TBC1D13: variants seen among roughly 807,000 people sequenced by gnomAD.
The protein encoded by TBC1D13 is TBC1 domain family member 13, also known as epididymis secretory sperm binding protein.
TBC1D13 carries 40 observed loss-of-function variants against 53.6 expected under a neutral mutation model. That is an observed-to-expected ratio of 0.75 (90% CI 0.58 to 0.97). The LOEUF (loss-of-function observed/expected upper bound fraction) is 0.97, where lower values mean the gene tolerates loss of function less well. TBC1D13 is among the 50% of genes least tolerant of loss of function. TBC1D13 has a pLI of 0.00. For missense variants in TBC1D13, 377 were observed against 499.4 expected, an observed-to-expected ratio of 0.75 and a Z score of 2.34; for synonymous variants, 182 against 197.7, an observed-to-expected ratio of 0.92 and a Z score of 0.67.
At chr9:128,789,431 G>A (rs1277326751) in intron 2 of TBC1D13, among the ~76,000 whole-genome samples, 12 of 151,548 alleles carry the variant, frequency 7.9e-5, no homozygotes, top group Admixed American at 1.3e-4. Flanking sequence ...AGCAGCAACT[G>A]CGGTAGTGAG....
chr9:128,803,215 G>A, intron 7 of TBC1D13, 35 bp from the exon 8 acceptor site: 1 of 1,596,572 alleles, frequency 6.3e-7, no homozygotes, highest in African/African-American at 1.3e-5. Flanking sequence ...CCCCAGCATT[G>A]TCTTTCTTGA....
At chr9:128,797,839 G>C (rs1364035431) in intron 7 of TBC1D13, among the ~76,000 whole-genome samples, 1 of 152,162 alleles carries the variant, frequency 6.6e-6, no homozygotes, top group African/African-American at 2.4e-5. Context: ...CAGGCACAAT[G>C]GCCCATGCCT....
At chr9:128,802,171 T>C (rs1472038546) in intron 7 of TBC1D13, among the ~76,000 whole-genome samples, 1 of 148,872 alleles carries the variant, frequency 6.7e-6, no homozygotes, top group East Asian at 1.9e-4. Flanking sequence ...TTCTCCTGCC[T>C]CAGCCTCCTG....
intron 7 of TBC1D13, among the ~76,000 whole-genome samples, chr9:128,797,968 C>T (rs896389940): frequency 5.3e-5 from 8 of 151,878 alleles, no homozygotes; most frequent in African/African-American, 1.9e-4. Context: ...AAAATTTGGC[C>T]CTGGCCAGGT....
At chr9:128,798,402 C>T (rs1005659506) in intron 7 of TBC1D13, among the ~76,000 whole-genome samples, 4 of 152,180 alleles carry the variant, frequency 2.6e-5, no homozygotes, top group South Asian at 2.1e-4. Context: ...GCTGGTAAGG[C>T]CACTTGGGGC....
chr9:128,801,186 G>A (rs549761109), intron 7 of TBC1D13, among the ~76,000 whole-genome samples: 31 of 150,106 alleles, frequency 2.1e-4, no homozygotes, highest in East Asian at 4.0e-4. Context: ...AAAGAAGAAG[G>A]GCATTCTCCT....
At chr9:128,806,345 C>G (rs1232577611) in intron 11 of TBC1D13, 34 bp downstream of exon 11, 1 of 1,612,694 alleles carries the variant, frequency 6.2e-7, no homozygotes, top group East Asian at 2.2e-5. Flanking sequence ...CAGCCACTGC[C>G]ATGAGGCTGG....
intron 7 of TBC1D13, among the ~76,000 whole-genome samples, chr9:128,799,126 C>T (rs990953220): frequency 6.6e-5 from 10 of 152,292 alleles, no homozygotes; most frequent in African/African-American, 1.9e-4. Context: ...GTGCAGATTG[C>T]GTGACTAGAT....
chr9:128,804,929 G>A (rs1198198981), intron 9 of TBC1D13, among the ~76,000 whole-genome samples: 1 of 150,120 alleles, frequency 6.7e-6, no homozygotes, highest in African/African-American at 2.5e-5. Flanking sequence ...GGATTTCGCT[G>A]TGTTGGCCAG....
At chr9:128,807,071 C>T (rs1051311240) in intron 11 of TBC1D13, among the ~76,000 whole-genome samples, 1 of 150,430 alleles carries the variant, frequency 6.6e-6, no homozygotes, top group Non-Finnish European at 1.5e-5. Context: ...AGCACGTGGC[C>T]TTAGTGTTGC....
intron 3 of TBC1D13, among the ~76,000 whole-genome samples, chr9:128,791,120 A>C (rs1403048441): frequency 2.0e-5 from 3 of 152,100 alleles, no homozygotes; most frequent in Non-Finnish European, 4.4e-5. Flanking sequence ...AGCCCTTTAG[A>C]GCACAGGGTC....
intron 9 of TBC1D13, among the ~76,000 whole-genome samples, chr9:128,804,720 G>GTTTTTTTTTTTT (rs1170366996): frequency 1.8e-5 from 1 of 56,392 alleles, no homozygotes; most frequent in African/African-American, 8.2e-5. Flanking sequence ...TTTTTTTTCT[G>GTTTTTTTTTTTT]TTTTTTTTTT....
chr9:128,802,494 T>G (rs555439676), intron 7 of TBC1D13, among the ~76,000 whole-genome samples: 1 of 152,360 alleles, frequency 6.6e-6, no homozygotes, highest in South Asian at 2.1e-4. Context: ...AGAAAGTTCC[T>G]GCATGCCCCT....
At position 128,798,490 on chromosome 9, in the gene TBC1D13, G is replaced by T. The variant is rs79888953; in HGVS notation, c.543+1276G>T. Among the ~76,000 whole-genome samples the T allele has an allele frequency of 2.8e-4, 43 of 152,236 alleles. No individual in the cohort carries two copies. In the East Asian group the frequency reaches 8.3e-3, roughly 29 times the overall value. On this transcript the variant is annotated intron_variant, in intron 7 of 11. Transcript: ENST00000372648. ...GACATAATTCACATCTGCTTGTGTC[G>T]GAAATGCTTTAGGCACTGTGGAGAT... is the stretch of plus-strand genomic sequence containing the variant.
At chr9:128,795,515 C>T (rs1346854938) in intron 6 of TBC1D13, among the ~76,000 whole-genome samples, 1 of 110,814 alleles carries the variant, frequency 9.0e-6, no homozygotes, top group South Asian at 3.2e-4. Context: ...GGCTGGAGTG[C>T]GGTGGCACGA....
chr9:128,804,990 A>T (rs1052980093), intron 9 of TBC1D13, among the ~76,000 whole-genome samples: 1 of 151,862 alleles, frequency 6.6e-6, no homozygotes, highest in Admixed American at 6.6e-5. Context: ...CCCTCTCCCA[A>T]AGTGCTGGGA....
At chr9:128,791,272 C>G in intron 3 of TBC1D13, 108 bp from the exon 4 acceptor site, 3 of 1,086,744 alleles carry the variant, frequency 2.8e-6, no homozygotes, top group Non-Finnish European at 4.2e-6. Flanking sequence ...CCCATCTTGT[C>G]TTCTTGGGAC....
rs560076192 is a variant in TBC1D13, at chr9:128,808,071, C to G, written c.*192C>G. 2.1e-4 allele frequency: 127 copies of G among 605,990 alleles called. No individual in the cohort carries two copies. The highest frequency in any genetic ancestry group is 2.1e-3 in the African/African-American group (114 of 54,418). 37.5% of individuals were successfully genotyped at this position (605,990 alleles called of 1,614,324 possible). On this transcript the variant is annotated 3_prime_UTR_variant, in exon 12 of 12. Coordinates refer to ENST00000372648, the MANE Select transcript of TBC1D13 (RefSeq NM_018201.5). The stretch of plus-strand genomic sequence containing the variant: ...CGCCACGCCCAGCTCCCCACCTGCC[C>G]TGCACTCTGCCCTCTTTGCCCAGGA...
intron 2 of TBC1D13, among the ~76,000 whole-genome samples, chr9:128,789,456 T>G (rs1292663568): frequency 1.3e-5 from 2 of 152,098 alleles, no homozygotes; most frequent in African/African-American, 4.8e-5. Context: ...CTGATCTTAT[T>G]GCAGGATAAC....
Sources: allele counts gnomAD v4.1 joint callset (sites outside exome capture counted in the v4.1 genomes callset), GRCh38; gene constraint gnomAD v4.1.1; transcripts MANE v1.5; gene names NCBI Gene and HGNC (gene_info 2026-07-23, HGNC 2026-07-21).